DGKI: variants seen among roughly 807,000 people sequenced by gnomAD.
DGKI encodes diacylglycerol kinase iota, also known as DAG kinase iota.
In DGKI, 55 loss-of-function variants were observed where a neutral mutation model predicts 147.5. The ratio of observed to expected loss-of-function variants is 0.37; its 90% CI spans 0.30 to 0.47. DGKI has a LOEUF of 0.47. Among genes scored for constraint, DGKI ranks in the 20% least tolerant of loss-of-function variants. The pLI, the probability that DGKI is intolerant of heterozygous loss-of-function variation, is 1.00. For missense variants in DGKI, 1,007 were observed against 1,323.8 expected (o/e 0.76, Z 3.71); for synonymous variants, 469 against 477.1 (o/e 0.98, Z 0.22).
intron 8 of DGKI, among the ~76,000 whole-genome samples, chr7:137,619,462 C>A (rs1236292154): frequency 6.6e-6 from 1 of 152,190 alleles, no homozygotes; most frequent in East Asian, 1.9e-4. Flanking sequence ...CACTGACCCT[C>A]TGGGAATGCC....
intron 13 of DGKI, among the ~76,000 whole-genome samples, chr7:137,585,744 T>C (rs1402213469): frequency 2.0e-5 from 3 of 152,112 alleles, no homozygotes; most frequent in Admixed American, 6.5e-5. Flanking sequence ...CAAGGAGGGA[T>C]TGGATTGACA....
At position 137,808,356 on chromosome 7, in the gene DGKI, A is replaced by G. The variant is rs1043537074; in HGVS notation, c.401+38106T>C. ...AAATGGTAGGTGCCATTTATTGTGC[A>G]TTTATTAAGAGCCAGACACTAGGCT... On this transcript the variant is annotated intron_variant, in intron 1 of 32. Coordinates refer to ENST00000614521, the MANE Select transcript of DGKI (RefSeq NM_001321708.2). Among the ~76,000 whole-genome samples, 78 of 152,218 alleles carry G rather than the reference A, an allele frequency of 5.1e-4. 4 individuals are homozygous for G. Among genetic ancestry groups the G allele is most frequent in the South Asian group, 2.1e-4 (1 of 4,834 alleles).
chr7:137,514,669 A>G (rs888407939), intron 21 of DGKI, among the ~76,000 whole-genome samples: 2 of 152,130 alleles, frequency 1.3e-5, no homozygotes, highest in African/African-American at 4.8e-5. Flanking sequence ...GAGGCAACTG[A>G]ATTTTACACT....
At chr7:137,834,459 C>T (rs1798306377) in intron 1 of DGKI, among the ~76,000 whole-genome samples, 1 of 152,224 alleles carries the variant, frequency 6.6e-6, no homozygotes, top group African/African-American at 2.4e-5. Context: ...AATAACCATT[C>T]ACCATTTGTG....
Position 137,759,036 on chromosome 7 carries a change from T to C in DGKI, c.402-69034A>G, listed in dbSNP as rs115583430. 7.4e-3 allele frequency among the ~76,000 whole-genome samples: 1,130 copies of C among 152,188 alleles called. 15 individuals carry two copies. The highest frequency in any genetic ancestry group is 0.025 in the African/African-American group (1,048 of 41,516). On this transcript the variant is annotated intron_variant, in intron 1 of 32. Coordinates refer to ENST00000614521, the MANE Select transcript of DGKI (RefSeq NM_001321708.2). The stretch of plus-strand genomic sequence containing the variant: ...TGGGTACATGGCATACTGGTGGGGA[T>C]TGGGCTTCAAGTATACTCATTACCC...
At chr7:137,560,393 T>C (rs931443227) in intron 19 of DGKI, among the ~76,000 whole-genome samples, 2 of 152,272 alleles carry the variant, frequency 1.3e-5, no homozygotes, top group African/African-American at 2.4e-5. Context: ...ATAAAATACA[T>C]GAATAAAAAT....
chr7:137,743,050 G>A (rs1161031156), intron 1 of DGKI, among the ~76,000 whole-genome samples: 1 of 152,144 alleles, frequency 6.6e-6, no homozygotes, highest in Non-Finnish European at 1.5e-5. Flanking sequence ...ACTACATAAT[G>A]ATAAAGAATT....
At position 137,547,459 on chromosome 7, in the gene DGKI, G is replaced by A. The variant is rs141103351; in HGVS notation, c.2147+4910C>T. ...TCTCATGGAAATTCCTTCTGTCCAT[G>A]TGGACCATAGCTTGAAATTATTAAA... On this transcript the variant is annotated intron_variant, in intron 20 of 32. Transcript: ENST00000614521. Among the ~76,000 whole-genome samples the A allele has an allele frequency of 1.1e-4, 16 of 152,312 alleles. 1 individual carries two copies. In the East Asian group the frequency reaches 3.1e-3, roughly 29 times the overall value.
At chr7:137,614,352 G>A (rs542660310) in intron 8 of DGKI, among the ~76,000 whole-genome samples, 1 of 152,160 alleles carries the variant, frequency 6.6e-6, no homozygotes, top group African/African-American at 2.4e-5. Flanking sequence ...CCCAACTGTG[G>A]TCTTCTACAA....
intron 10 of DGKI, among the ~76,000 whole-genome samples, chr7:137,600,181 G>A (rs1239438150): frequency 6.6e-6 from 1 of 150,734 alleles, no homozygotes; most frequent in South Asian, 2.1e-4. Context: ...CTGAGGAGGC[G>A]GAGTGTGCAG....
At chr7:137,636,280 G>A (rs947943541) in intron 6 of DGKI, among the ~76,000 whole-genome samples, 5 of 152,300 alleles carry the variant, frequency 3.3e-5, no homozygotes, top group African/African-American at 9.6e-5. Context: ...TGAGAGTGAG[G>A]TGAATCCAGG....
rs527314406 is a variant in DGKI, at chr7:137,653,180, A to G, written c.738+1552T>C. On this transcript the variant is annotated intron_variant, in intron 5 of 32. Transcript: ENST00000614521. ...CGCGCACTTAGCAGTAGCTTGGTTT[A>G]GTCTGGGCTCCTCTTGTGTCCAAAA... Among the ~76,000 whole-genome samples, 3 of 152,326 alleles carry G rather than the reference A, an allele frequency of 2.0e-5. No homozygotes were observed. In the South Asian group the frequency reaches 6.2e-4, roughly 32 times the overall value.
intron 21 of DGKI, among the ~76,000 whole-genome samples, chr7:137,501,457 C>T (rs141602692): frequency 6.6e-6 from 1 of 152,198 alleles, no homozygotes; most frequent in Non-Finnish European, 1.5e-5. Flanking sequence ...TTATGTTGTC[C>T]ATGGTGGCCA....
intron 2 of DGKI, among the ~76,000 whole-genome samples, chr7:137,683,773 C>T (rs940048929): frequency 6.6e-6 from 1 of 152,108 alleles, no homozygotes; most frequent in Non-Finnish European, 1.5e-5. Flanking sequence ...TGCTGAGACT[C>T]ACAAGTCTGT....
rs572765461 is a variant in DGKI at position 137,637,313 on chromosome 7, G to A, written c.804+8159C>T. Among the ~76,000 whole-genome samples, 24 of 152,286 alleles carry A rather than the reference G, an allele frequency of 1.6e-4. No homozygotes were observed. In the South Asian group the frequency reaches 5.0e-3, roughly 32 times the overall value. ...AACCCTGAGCTAAAATAATGGTTTG[G>A]ATCTGAAAAGGTAATAATATGCCTA... is the stretch of plus-strand genomic sequence containing the variant. On this transcript the variant is annotated intron_variant, in intron 6 of 32. Coordinates refer to ENST00000614521, the MANE Select transcript of DGKI (RefSeq NM_001321708.2).
chr7:137,723,655 A>T (rs1324198984), intron 1 of DGKI, among the ~76,000 whole-genome samples: 1 of 148,698 alleles, frequency 6.7e-6, no homozygotes, highest in Non-Finnish European at 1.5e-5. Flanking sequence ...CAAGATCAAG[A>T]GTAGGGCAAG....
chr7:137,538,459 G>C (rs551694041), intron 20 of DGKI, among the ~76,000 whole-genome samples: 1 of 152,240 alleles, frequency 6.6e-6, no homozygotes, highest in African/African-American at 2.4e-5. Flanking sequence ...TTCTAACTTT[G>C]CTTTTCCCAA....
intron 12 of DGKI, among the ~76,000 whole-genome samples, chr7:137,590,410 G>A (rs780015663): frequency 2.0e-5 from 3 of 152,266 alleles, no homozygotes; most frequent in Middle Eastern, 3.4e-3. Flanking sequence ...TGGAGCCATA[G>A]GAATCTATAG....
intron 1 of DGKI, among the ~76,000 whole-genome samples, chr7:137,824,189 G>A (rs375774989): frequency 1.3e-5 from 2 of 152,140 alleles, no homozygotes; most frequent in East Asian, 1.9e-4. Context: ...TCATAACAAC[G>A]CTGAAGAAAT....
Sources: allele counts gnomAD v4.1 joint callset (sites outside exome capture counted in the v4.1 genomes callset), GRCh38; gene constraint gnomAD v4.1.1; transcripts MANE v1.5; gene names NCBI Gene and HGNC (gene_info 2026-07-23, HGNC 2026-07-21).